The following MGAT4A variants were observed in gnomAD, a reference collection of about 807,000 sequenced individuals.
MGAT4A encodes the protein alpha-1,3-mannosyl-glycoprotein 4-beta-N-acetylglucosaminyltransferase A, also known as N-acetylglucosaminyltransferase IVa.
Under a neutral mutation model 74.1 loss-of-function variants are expected in MGAT4A, and 33 were observed. The ratio of observed to expected loss-of-function variants is 0.45; its 90% CI spans 0.34 to 0.60. The LOEUF (loss-of-function observed/expected upper bound fraction) is 0.60, where lower values mean the gene tolerates loss of function less well. Ranked by LOEUF, MGAT4A falls within the 20% of genes least tolerant of loss-of-function variation. The pLI is 0.02. For synonymous variants in MGAT4A, 198 were observed against 210.4 expected, an observed-to-expected ratio of 0.94 and a Z score of 0.51; for missense variants, 479 against 628.3, an observed-to-expected ratio of 0.76 and a Z score of 2.54.
chr2:98,671,965 A>C (rs1470172885), intron 4 of MGAT4A, among the ~76,000 whole-genome samples: 3 of 150,300 alleles, frequency 2.0e-5, no homozygotes, highest in Admixed American at 2.0e-4. Flanking sequence ...AAAAAAAAAA[A>C]AAAAAGGATC....
chr2:98,728,584 T>C (rs929209895), intron 1 of MGAT4A, among the ~76,000 whole-genome samples: 1 of 151,718 alleles, frequency 6.6e-6, no homozygotes, highest in Non-Finnish European at 1.5e-5. Context: ...CCTGTCTCTA[T>C]TAAAAATACA....
At chr2:98,714,810 G>A (rs1033363609) in intron 2 of MGAT4A, among the ~76,000 whole-genome samples, 4 of 152,072 alleles carry the variant, frequency 2.6e-5, no homozygotes, top group Admixed American at 2.0e-4. Context: ...ATTTTAAAAG[G>A]GTTAATTTCG....
chr2:98,650,309 AC>A (rs1052537707), intron 8 of MGAT4A, among the ~76,000 whole-genome samples: 3 of 152,208 alleles, frequency 2.0e-5, no homozygotes, highest in African/African-American at 7.2e-5. Flanking sequence ...AACAACATAC[AC>A]ATTATGAGAG....
At position 98,621,212 on chromosome 2, in the gene MGAT4A, G is replaced by T; in HGVS notation, c.*4354C>A. On this transcript the variant is annotated 3_prime_UTR_variant, in exon 16 of 16. Coordinates refer to ENST00000393487, the MANE Select transcript of MGAT4A (RefSeq NM_012214.3). ...TCCAAGCAGGCTTAAGTGAGTTCTC[G>T]GCTTAGGGTCTCACAAGGCTGGATT... The T allele has an allele frequency of 1.8e-6, 1 of 543,690 alleles. No homozygotes were observed. The allele number at this position is 543,690 out of a possible 1,614,324, so 33.7% of individuals were successfully genotyped here.
Position 98,663,017 on chromosome 2 carries a change from T to A in MGAT4A, c.537+29A>T, listed in dbSNP as rs572146291. Reference sequence around the variant, plus strand: ...TTCAACTCTTATAGGCTATATTTGGTAAAAACATAACAACAATTAAATAAT... The same window carrying A: ...TTCAACTCTTATAGGCTATATTTGGAAAAAACATAACAACAATTAAATAAT... On this transcript the variant is annotated intron_variant, in intron 5 of 15. Coordinates refer to ENST00000393487, the MANE Select transcript of MGAT4A (RefSeq NM_012214.3). 3.5e-6 allele frequency: 5 copies of A among 1,428,758 alleles called. No individual in the cohort carries two copies. In the Admixed American group the frequency reaches 9.2e-5, roughly 26 times the overall value. 88.5% of individuals were successfully genotyped at this position (1,428,758 alleles called of 1,614,324 possible).
At chr2:98,726,848 G>A in intron 1 of MGAT4A, 1 of 152,602 alleles carries the variant, frequency 6.6e-6, no homozygotes, top group Non-Finnish European at 1.5e-5. Context: ...GAAAAGTGGA[G>A]CTCACAGATT....
In MGAT4A at chr2:98,630,528, T is replaced by C. The variant is rs187449296; in HGVS notation, c.1469-4693A>G. 4.3e-3 allele frequency among the ~76,000 whole-genome samples: 656 copies of C among 152,268 alleles called. 4 individuals carry two copies. Among genetic ancestry groups the C allele is most frequent in the Middle Eastern group, 0.024 (7 of 294 alleles). On this transcript the variant is annotated intron_variant, in intron 14 of 15. Transcript: ENST00000393487. ...AGAGAAGCTATTAGGGACGGACAGC[T>C]GAATTGGCACATCTTAAGCTGGAGG... is the stretch of plus-strand genomic sequence containing the variant.
intron 12 of MGAT4A, among the ~76,000 whole-genome samples, chr2:98,637,600 A>C (rs568428116): frequency 1.9e-4 from 29 of 152,230 alleles, no homozygotes; most frequent in African/African-American, 7.0e-4. Flanking sequence ...GAAGGGAGGA[A>C]ACTAGGTCAG....
At chr2:98,648,286 G>C (rs2104247555) in intron 8 of MGAT4A, among the ~76,000 whole-genome samples, 1 of 152,246 alleles carries the variant, frequency 6.6e-6, no homozygotes, top group East Asian at 1.9e-4. Context: ...ATCACTTGAG[G>C]TCAGGAGTTT....
intron 2 of MGAT4A, among the ~76,000 whole-genome samples, chr2:98,721,435 A>G (rs1269919419): frequency 6.6e-6 from 1 of 152,204 alleles, no homozygotes; most frequent in East Asian, 1.9e-4. Flanking sequence ...ATGGTATAAA[A>G]TATTTATGTA....
chr2:98,657,170 A>G (rs890645886), intron 6 of MGAT4A, among the ~76,000 whole-genome samples: 2 of 152,218 alleles, frequency 1.3e-5, no homozygotes, highest in Non-Finnish European at 2.9e-5. Context: ...GTCTGTACTG[A>G]CTGAATTGCA....
chr2:98,699,813 A>G (rs1463058931), intron 2 of MGAT4A, among the ~76,000 whole-genome samples: 1 of 152,194 alleles, frequency 6.6e-6, no homozygotes, highest in Non-Finnish European at 1.5e-5. Flanking sequence ...CTGTGAGACA[A>G]ATTAGCAAAC....
At chr2:98,717,094 A>G (rs1483080483) in intron 2 of MGAT4A, among the ~76,000 whole-genome samples, 1 of 152,066 alleles carries the variant, frequency 6.6e-6, no homozygotes. Context: ...AAAGACAAAG[A>G]AAGGGCCAGG....
chr2:98,643,198 G>GT (rs1553536182), intron 10 of MGAT4A, among the ~76,000 whole-genome samples: 1 of 151,922 alleles, frequency 6.6e-6, no homozygotes, highest in African/African-American at 2.4e-5. Flanking sequence ...AAAAATCATT[G>GT]TTTTTTTGTA....
intron 2 of MGAT4A, among the ~76,000 whole-genome samples, chr2:98,680,138 G>A (rs1169194014): frequency 1.3e-5 from 2 of 148,412 alleles, no homozygotes; most frequent in African/African-American, 4.9e-5. Flanking sequence ...CCGCCCCCTG[G>A]ATTCAGACAA....
chr2:98,678,370 C>T lies in MGAT4A; in HGVS notation c.196G>A (p.Val66Met), dbSNP rs775804663. 7.6e-6 allele frequency: 12 copies of T among 1,576,584 alleles called. No homozygotes were observed. In the Admixed American group the frequency reaches 1.2e-4, roughly 16 times the overall value. The change falls in exon 3 of 16, where the codon GTG (valine) becomes ATG (methionine). Residue 66 changes from valine to methionine, a missense_variant. By Grantham distance (21) the Val-to-Met change is conservative. Transcript: ENST00000393487. ...GCTCCTACACGCTTGAACTGTTGCA[C>T]AATCGTATTTAATTCAGAAGAGCGC... Reference protein sequence around the residue: ...SQRSSELNTIVQQFKRVGAET... With the variant: ...SQRSSELNTIMQQFKRVGAET...
chr2:98,628,802 A>G (rs1701183203), intron 14 of MGAT4A, among the ~76,000 whole-genome samples: 2 of 152,298 alleles, frequency 1.3e-5, no homozygotes, highest in Non-Finnish European at 2.9e-5. Context: ...GTGCCATGAT[A>G]TGTGTGGCTC....
intron 8 of MGAT4A, among the ~76,000 whole-genome samples, chr2:98,650,023 C>A (rs1701554674): frequency 6.6e-6 from 1 of 151,986 alleles, no homozygotes; most frequent in Non-Finnish European, 1.5e-5. Flanking sequence ...CAGAGACAGA[C>A]AACTAAATGA....
chr2:98,703,142 G>C (rs1417770060), intron 2 of MGAT4A, among the ~76,000 whole-genome samples: 1 of 152,158 alleles, frequency 6.6e-6, no homozygotes, highest in Non-Finnish European at 1.5e-5. Context: ...ATGAAGCCAA[G>C]TTTAAAGAAC....
Sources: allele counts gnomAD v4.1 joint callset (sites outside exome capture counted in the v4.1 genomes callset), GRCh38; gene constraint gnomAD v4.1.1; transcripts MANE v1.5; gene names NCBI Gene and HGNC (gene_info 2026-07-23, HGNC 2026-07-21).